The following RAB18 variants were observed in gnomAD, a reference collection of about 807,000 sequenced individuals.
RAB18 encodes the protein RAB18, member RAS oncogene family.
RAB18 carries 10 observed loss-of-function variants against 28.5 expected under a neutral mutation model. That is an observed-to-expected ratio of 0.35 (90% CI 0.22 to 0.60). The LOEUF (loss-of-function observed/expected upper bound fraction) is 0.60. Ranked by LOEUF, RAB18 falls within the 20% of genes least tolerant of loss-of-function variation. The pLI is 0.78. For synonymous variants in RAB18, 93 were observed against 86.9 expected (o/e 1.07, Z -0.39); for missense variants, 188 against 244.2 (o/e 0.77, Z 1.53).
chr10:27,523,711 C>T (rs377742532), intron 2 of RAB18, among the ~76,000 whole-genome samples: 3 of 150,710 alleles, frequency 2.0e-5, no homozygotes, highest in South Asian at 2.1e-4. Context: ...CTTTCAGGCT[C>T]GATCCATCCT....
intron 3 of RAB18, among the ~76,000 whole-genome samples, chr10:27,530,928 T>C (rs539260699): frequency 5.3e-5 from 8 of 152,072 alleles, no homozygotes; most frequent in Non-Finnish European, 1.0e-4. Flanking sequence ...TCTCATGTTA[T>C]CAAAGTTATA....
chr10:27,531,259 T>C (rs2132404880), intron 3 of RAB18, among the ~76,000 whole-genome samples: 1 of 152,178 alleles, frequency 6.6e-6, no homozygotes, highest in Non-Finnish European at 1.5e-5. Flanking sequence ...TGGTGAATGT[T>C]CAAAGTGGTT....
chr10:27,511,943 A>G (rs1223245452), intron 2 of RAB18, among the ~76,000 whole-genome samples: 1 of 152,022 alleles, frequency 6.6e-6, no homozygotes, highest in Non-Finnish European at 1.5e-5. Context: ...GGAATTCTGT[A>G]AGTAAGAGCT....
rs751337334 is a variant in RAB18, at chr10:27,541,273, C to A, written c.*3222C>A. 2 of 453,554 alleles carry A rather than the reference C, an allele frequency of 4.4e-6. No individual in the cohort carries two copies. The highest frequency in any genetic ancestry group is 3.1e-5 in the South Asian group (2 of 64,436). 28.1% of individuals were successfully genotyped at this position (453,554 alleles called of 1,614,324 possible). A position where few individuals can be genotyped will look rare whatever the true frequency, so the allele number is the denominator to read the frequency against. Reference sequence around the variant, plus strand: ...GGGTTTTGCCTAAACTGTTGAAAGACGAGAATAAATAGACATAGACAGGCT... The same window carrying A: ...GGGTTTTGCCTAAACTGTTGAAAGAAGAGAATAAATAGACATAGACAGGCT... On this transcript the variant is annotated 3_prime_UTR_variant, in exon 7 of 7. Coordinates refer to ENST00000356940, the MANE Select transcript of RAB18 (RefSeq NM_021252.5).
In RAB18 at chr10:27,539,610, A is replaced by G. The variant is rs557449429; in HGVS notation, c.*1559A>G. The G allele has an allele frequency of 2.2e-6, 1 of 448,240 alleles. No homozygotes were observed. The highest frequency in any genetic ancestry group is 7.0e-5 in the East Asian group (1 of 14,382). The allele number at this position is 448,240 out of a possible 1,614,324, so 27.8% of individuals were successfully genotyped here. ...TTGTGATTTGTTCATGTTATATTAA[A>G]ACTTGAGATTTGTGTATTTATGTAG... is the stretch of plus-strand genomic sequence containing the variant. On this transcript the variant is annotated 3_prime_UTR_variant, in exon 7 of 7. Transcript: ENST00000356940.
chr10:27,507,636 C>T (rs1198894884), intron 1 of RAB18, among the ~76,000 whole-genome samples: 1 of 150,054 alleles, frequency 6.7e-6, no homozygotes, highest in Non-Finnish European at 1.5e-5. Flanking sequence ...AATTTGGTCA[C>T]ATCTAAGTGC....
At chr10:27,537,522 G>A (rs541028904) in intron 6 of RAB18, among the ~76,000 whole-genome samples, 72 of 152,248 alleles carry the variant, frequency 4.7e-4, no homozygotes, top group Non-Finnish European at 4.4e-5. Context: ...TTTAAAATAG[G>A]AATAATATCT....
In RAB18 at chr10:27,540,413, T is replaced by C; in HGVS notation, c.*2362T>C. ...CTCTTCACCATCGCTCATTTTACAA[T>C]GGGTAGTTAGTTACCAGCTTTTTGT... On this transcript the variant is annotated 3_prime_UTR_variant, in exon 7 of 7. Coordinates refer to ENST00000356940, the MANE Select transcript of RAB18 (RefSeq NM_021252.5). The C allele has an allele frequency of 2.2e-6, 1 of 454,098 alleles. No individual in the cohort carries two copies. The allele number at this position is 454,098 out of a possible 1,614,324, so 28.1% of individuals were successfully genotyped here.
At chr10:27,521,227 A>G (rs928297712) in intron 2 of RAB18, among the ~76,000 whole-genome samples, 1 of 152,066 alleles carries the variant, frequency 6.6e-6, no homozygotes, top group Non-Finnish European at 1.5e-5. Context: ...ATCCTGGAGA[A>G]TGTTTCATGT....
chr10:27,519,180 T>C (rs888636269), intron 2 of RAB18, among the ~76,000 whole-genome samples: 1 of 152,030 alleles, frequency 6.6e-6, no homozygotes, highest in African/African-American at 2.4e-5. Context: ...TTCACTACTT[T>C]AAACTAAAAA....
chr10:27,513,714 GGAA>G (rs999028152), intron 2 of RAB18, among the ~76,000 whole-genome samples: 17 of 152,166 alleles, frequency 1.1e-4, no homozygotes, highest in Non-Finnish European at 2.1e-4. Context: ...GCTGCATGTG[GGAA>G]GAAGTAGGTA....
intron 2 of RAB18, 49 bp downstream of exon 2, chr10:27,509,979 C>G (rs771458316): frequency 1.4e-6 from 2 of 1,463,956 alleles, no homozygotes; most frequent in Non-Finnish European, 1.9e-6. Flanking sequence ...ATTTTCTTGC[C>G]TTTGGCCTTT....
In RAB18 at chr10:27,541,008, T is replaced by C. The variant is rs1285766077; in HGVS notation, c.*2957T>C. The C allele has an allele frequency of 2.2e-6, 1 of 453,140 alleles. No individual in the cohort carries two copies. The highest frequency in any genetic ancestry group is 2.4e-5 in the Admixed American group (1 of 42,414). The allele number at this position is 453,140 out of a possible 1,614,324, so 28.1% of individuals were successfully genotyped here. A position where few individuals can be genotyped will look rare whatever the true frequency, so the allele number is the denominator to read the frequency against. The stretch of plus-strand genomic sequence containing the variant: ...CAACTTAATACATATTTTTTCTGTG[T>C]ATTTTTTTCAAATGAACTCAACAAT... On this transcript the variant is annotated 3_prime_UTR_variant, in exon 7 of 7. Coordinates refer to ENST00000356940, the MANE Select transcript of RAB18 (RefSeq NM_021252.5).
chr10:27,511,906 C>G (rs766922719), intron 2 of RAB18, among the ~76,000 whole-genome samples: 106 of 152,052 alleles, frequency 7.0e-4, no homozygotes, highest in Non-Finnish European at 1.1e-3. Flanking sequence ...TTTTAAAATG[C>G]CATCACTCTG....
intron 3 of RAB18, among the ~76,000 whole-genome samples, chr10:27,532,124 T>TA (rs1834800518): frequency 6.7e-6 from 1 of 149,056 alleles, no homozygotes; most frequent in African/African-American, 2.5e-5. Flanking sequence ...CTGGTAAGAT[T>TA]TAAAAAAAAA....
At position 27,538,755 on chromosome 10, in the gene RAB18, T is replaced by C. The variant is rs1277379234; in HGVS notation, c.*704T>C. On this transcript the variant is annotated 3_prime_UTR_variant, in exon 7 of 7. Coordinates refer to ENST00000356940, the MANE Select transcript of RAB18 (RefSeq NM_021252.5). ...CATGACTGTGCAGCATTTTTAGTTA[T>C]GTGGTGTTTGGCAGAATGACAATAA... 2.2e-6 allele frequency: 1 copy of C among 454,008 alleles called. No individual in the cohort carries two copies. Among genetic ancestry groups the C allele is most frequent in the Non-Finnish European group, 4.4e-6 (1 of 226,794 alleles). 28.1% of individuals were successfully genotyped at this position (454,008 alleles called of 1,614,324 possible).
intron 2 of RAB18, among the ~76,000 whole-genome samples, chr10:27,523,833 A>G (rs1834617973): frequency 6.6e-6 from 1 of 152,014 alleles, no homozygotes; most frequent in South Asian, 2.1e-4. Flanking sequence ...TAATCGCAGC[A>G]CTTTGGGAGG....
intron 2 of RAB18, among the ~76,000 whole-genome samples, chr10:27,520,556 C>G (rs1834525073): frequency 6.6e-6 from 1 of 151,992 alleles, no homozygotes; most frequent in Non-Finnish European, 1.5e-5. Context: ...TCTTTTAGTT[C>G]CTTAAGGTAT....
chr10:27,516,531 C>T (rs1178362351), intron 2 of RAB18, among the ~76,000 whole-genome samples: 1 of 150,658 alleles, frequency 6.6e-6, no homozygotes, highest in Non-Finnish European at 1.5e-5. Context: ...GCACTCCAGC[C>T]TGGGTGACAG....
Sources: allele counts gnomAD v4.1 joint callset (sites outside exome capture counted in the v4.1 genomes callset), GRCh38; gene constraint gnomAD v4.1.1; transcripts MANE v1.5; gene names NCBI Gene and HGNC (gene_info 2026-07-23, HGNC 2026-07-21).